PREX2: variants seen among roughly 807,000 people sequenced by gnomAD.
PREX2 encodes the protein phosphatidylinositol-3,4,5-trisphosphate dependent Rac exchange factor 2.
A neutral mutation model predicts 203.2 loss-of-function variants in PREX2; 107 were observed. The observed-to-expected ratio is 0.53, with a 90% CI of 0.45 to 0.62. PREX2 has a LOEUF of 0.62. Ranked by LOEUF, PREX2 falls within the 20% of genes least tolerant of loss-of-function variation. PREX2 has a pLI of 0.00. For synonymous variants in PREX2, 672 were observed against 663.6 expected (o/e 1.01, Z -0.19); for missense variants, 1,777 against 1,955.9 (o/e 0.91, Z 1.72).
intron 1 of PREX2, among the ~76,000 whole-genome samples, chr8:68,011,144 T>G (rs1807246313): frequency 6.6e-6 from 1 of 152,190 alleles, no homozygotes; most frequent in Non-Finnish European, 1.5e-5. Flanking sequence ...TAATTTTAGA[T>G]TCCTTGGGGA....
chr8:68,128,393 G>A (rs888699955), intron 31 of PREX2, among the ~76,000 whole-genome samples: 8 of 152,054 alleles, frequency 5.3e-5, no homozygotes, highest in African/African-American at 1.9e-4. Flanking sequence ...CAAACTTTCT[G>A]GCATAAAACA....
At chr8:68,092,217 A>G (rs183896397) in intron 20 of PREX2, among the ~76,000 whole-genome samples, 11 of 152,298 alleles carry the variant, frequency 7.2e-5, no homozygotes, top group African/African-American at 2.2e-4. Context: ...TGTACTTGCT[A>G]GTATCCCTTT....
At chr8:68,163,718 A>T (rs970943344) in intron 35 of PREX2, among the ~76,000 whole-genome samples, 2 of 152,178 alleles carry the variant, frequency 1.3e-5, no homozygotes, top group Non-Finnish European at 2.9e-5. Flanking sequence ...TCACAAAGAA[A>T]GGGAAACACC....
chr8:68,217,566 G>C, intron 37 of PREX2, 50 bp from the exon 38 acceptor site: 1 of 1,319,102 alleles, frequency 7.6e-7, no homozygotes, highest in Non-Finnish European at 1.1e-6. Flanking sequence ...TCATCTCAAA[G>C]GGTGTATCAG....
At chr8:68,220,017 T>C (rs1812922954) in intron 38 of PREX2, among the ~76,000 whole-genome samples, 1 of 152,048 alleles carries the variant, frequency 6.6e-6, no homozygotes, top group East Asian at 1.9e-4. Context: ...ATTTGTATTA[T>C]GATATATTAG....
At chr8:68,194,584 A>C (rs1812358561) in intron 37 of PREX2, among the ~76,000 whole-genome samples, 1 of 151,574 alleles carries the variant, frequency 6.6e-6, no homozygotes, top group Non-Finnish European at 1.5e-5. Context: ...GGAGGTCAGG[A>C]GTTCGAGAGC....
intron 11 of PREX2, among the ~76,000 whole-genome samples, chr8:68,065,485 A>G (rs184324299): frequency 6.6e-6 from 1 of 152,274 alleles, no homozygotes; most frequent in East Asian, 1.9e-4. Context: ...AAAAAGAACA[A>G]TTTTTGGTCA....
At chr8:67,997,080 AT>A (rs1462245711) in intron 1 of PREX2, among the ~76,000 whole-genome samples, 1 of 152,148 alleles carries the variant, frequency 6.6e-6, no homozygotes, top group Non-Finnish European at 1.5e-5. Context: ...AATGGGTGGT[AT>A]TTATGGGAAG....
At chr8:68,138,606 T>C in intron 33 of PREX2, 89 bp downstream of exon 33, 1 of 579,490 alleles carries the variant, frequency 1.7e-6, no homozygotes, top group Non-Finnish European at 3.0e-6. Flanking sequence ...ATAAGTATTT[T>C]ATGAACTGAA....
intron 1 of PREX2, among the ~76,000 whole-genome samples, chr8:68,001,218 C>T (rs1350545039): frequency 1.3e-5 from 2 of 152,114 alleles, no homozygotes; most frequent in East Asian, 1.9e-4. Flanking sequence ...TAATATCCAG[C>T]ATCTATAAGG....
chr8:68,084,819 A>G (rs1196442033), intron 18 of PREX2, among the ~76,000 whole-genome samples: 1 of 152,164 alleles, frequency 6.6e-6, no homozygotes, highest in Non-Finnish European at 1.5e-5. Flanking sequence ...ACTGGAAAGG[A>G]ATAAGGGAGT....
chr8:68,192,429 G>A lies in PREX2; in HGVS notation c.4508G>A (p.Cys1503Tyr). Residue 1503 changes from cysteine to tyrosine, a missense_variant, in exon 37 of 40, where the codon TGC (cysteine) becomes TAC (tyrosine). Transcript: ENST00000288368. ...KRTAACANTA[C>Y]SASGVGLLSV... is the part of the protein sequence containing the mutation. ...ACAGCTGCCTGTGCAAACACAGCTT[G>A]CAGTGCTTCTGGGGTTGGACTGCTG... 6.2e-7 allele frequency: 1 copy of A among 1,614,102 alleles called. No homozygotes were observed. Among genetic ancestry groups the A allele is most frequent in the Middle Eastern group, 1.7e-4 (1 of 6,054 alleles).
intron 37 of PREX2, among the ~76,000 whole-genome samples, chr8:68,203,117 A>T (rs1812541029): frequency 6.6e-6 from 1 of 152,100 alleles, no homozygotes; most frequent in Admixed American, 6.5e-5. Flanking sequence ...CAATCATTCT[A>T]ATCAAATGCC....
chr8:68,164,885 C>CTTTT (rs1563571718), intron 35 of PREX2, among the ~76,000 whole-genome samples: 1 of 59,772 alleles, frequency 1.7e-5, no homozygotes, highest in Non-Finnish European at 3.1e-5. Flanking sequence ...CCCGGCCAAA[C>CTTTT]CTTTTTTTTT....
intron 37 of PREX2, among the ~76,000 whole-genome samples, chr8:68,207,611 A>G (rs1384704126): frequency 6.6e-6 from 1 of 152,190 alleles, no homozygotes; most frequent in Non-Finnish European, 1.5e-5. Flanking sequence ...ACGTTTATTG[A>G]GAATAAATGA....
chr8:68,221,515 G>A (rs1812953008), intron 38 of PREX2, among the ~76,000 whole-genome samples: 1 of 152,184 alleles, frequency 6.6e-6, no homozygotes, highest in South Asian at 2.1e-4. Flanking sequence ...AACAGTACCT[G>A]ATATGGTGAG....
At chr8:68,134,573 A>G (rs1420360421) in intron 32 of PREX2, among the ~76,000 whole-genome samples, 2 of 152,172 alleles carry the variant, frequency 1.3e-5, no homozygotes, top group African/African-American at 2.4e-5. Context: ...TCATCAGAAG[A>G]AAAAGGGTCT....
chr8:68,105,425 G>A (rs1810381556), intron 23 of PREX2: 2 of 1,248,822 alleles, frequency 1.6e-6, no homozygotes, highest in Non-Finnish European at 2.1e-6. Flanking sequence ...CCTAGCATGT[G>A]GGCAGGGGGA....
intron 39 of PREX2, among the ~76,000 whole-genome samples, chr8:68,229,043 G>C (rs140317889): frequency 6.6e-6 from 1 of 150,958 alleles, no homozygotes; most frequent in South Asian, 2.1e-4. Flanking sequence ...TCTCATTTGT[G>C]AGATGGGGAG....
Sources: gnomAD v4.1 joint callset for allele counts (sites outside exome capture counted in the v4.1 genomes callset) on GRCh38, gnomAD v4.1.1 for gene constraint, MANE v1.5 for transcripts, NCBI Gene and HGNC (gene_info 2026-07-23, HGNC 2026-07-21) for gene names.